TMEM65: variants seen among roughly 807,000 people sequenced by gnomAD.
TMEM65 encodes transmembrane protein 65.
Under a neutral mutation model 25.4 loss-of-function variants are expected in TMEM65, and 22 were observed. That is an observed-to-expected ratio of 0.86 (90% CI 0.62 to 1.23). The LOEUF (loss-of-function observed/expected upper bound fraction) is 1.23. TMEM65 is among the 50% of genes most tolerant of loss of function. The pLI, the probability that TMEM65 is intolerant of heterozygous loss-of-function variation, is 0.00. For synonymous variants in TMEM65, 132 were observed against 126.2 expected (o/e 1.05, Z -0.31); for missense variants, 262 against 308.2 (o/e 0.85, Z 1.12).
intron 1 of TMEM65, among the ~76,000 whole-genome samples, chr8:124,369,572 T>C (rs1374393002): frequency 1.3e-5 from 2 of 152,170 alleles, no homozygotes; most frequent in Non-Finnish European, 2.9e-5. Context: ...ACACACACAA[T>C]ACATCGGTTG....
intron 6 of TMEM65, among the ~76,000 whole-genome samples, chr8:124,318,693 A>T (rs1161722393): frequency 6.6e-6 from 1 of 152,106 alleles, no homozygotes; most frequent in Non-Finnish European, 1.5e-5. Context: ...TTTACACAAT[A>T]ATAGATAGGT....
chr8:124,339,762 T>C (rs1045635959), intron 1 of TMEM65, among the ~76,000 whole-genome samples: 5 of 152,004 alleles, frequency 3.3e-5, no homozygotes, highest in African/African-American at 1.2e-4. Context: ...CTTTTCAAAG[T>C]GGTTTCCCCT....
intron 1 of TMEM65, 26 bp from the exon 2 acceptor site, chr8:124,330,818 G>A (rs1389473237): frequency 6.4e-7 from 1 of 1,570,570 alleles, no homozygotes; most frequent in African/African-American, 1.4e-5. Flanking sequence ...AGGATGTGGG[G>A]CAAGAATTAG....
At chr8:124,352,725 G>A (rs900380735) in intron 1 of TMEM65, among the ~76,000 whole-genome samples, 3 of 152,018 alleles carry the variant, frequency 2.0e-5, no homozygotes, top group African/African-American at 7.2e-5. Flanking sequence ...AGTGAGGCAG[G>A]CATCTGTATA....
chr8:124,310,641 A>T lies in TMEM65; in HGVS notation c.*3319T>A, dbSNP rs1814145451. 6.6e-6 allele frequency: 1 copy of T among 152,158 alleles called. No individual in the cohort carries two copies. The allele number at this position is 152,158 out of a possible 1,614,324, so 9.4% of individuals were successfully genotyped here. On this transcript the variant is annotated 3_prime_UTR_variant, in exon 7 of 7. Transcript: ENST00000297632. ...GTAAATTACTAGTGCATAAAGGACC[A>T]AATAAGTGTTTAATAAAAGGGAACT...
At chr8:124,339,222 A>AAAAAAATAT (rs1563594368) in intron 1 of TMEM65, among the ~76,000 whole-genome samples, 2 of 19,904 alleles carry the variant, frequency 1.0e-4, no homozygotes, top group Non-Finnish European at 7.9e-5. Flanking sequence ...AAAAAAAAAA[A>AAAAAAATAT]ATATATATAT....
chr8:124,359,568 C>G (rs1458536869), intron 1 of TMEM65, among the ~76,000 whole-genome samples: 1 of 152,038 alleles, frequency 6.6e-6, no homozygotes, highest in East Asian at 1.9e-4. Flanking sequence ...ATGGTGAACC[C>G]TCATCTATAC....
chr8:124,336,842 T>G (rs1304800501), intron 1 of TMEM65, among the ~76,000 whole-genome samples: 1 of 151,804 alleles, frequency 6.6e-6, no homozygotes, highest in African/African-American at 2.4e-5. Context: ...AGAGTCAAAA[T>G]TGGTTCTTTG....
intron 3 of TMEM65, among the ~76,000 whole-genome samples, chr8:124,324,531 A>C (rs1814344510): frequency 6.6e-6 from 1 of 152,158 alleles, no homozygotes; most frequent in Non-Finnish European, 1.5e-5. Flanking sequence ...AAACATATGT[A>C]TCATCATATC....
chr8:124,371,625 C>T (rs1008109965), intron 1 of TMEM65, among the ~76,000 whole-genome samples: 2 of 152,208 alleles, frequency 1.3e-5, no homozygotes, highest in Non-Finnish European at 2.9e-5. Context: ...GCGCTGGCCT[C>T]GGCTGCCTGG....
chr8:124,338,984 T>A (rs957526213), intron 1 of TMEM65, among the ~76,000 whole-genome samples: 1 of 151,166 alleles, frequency 6.6e-6, no homozygotes, highest in Admixed American at 6.6e-5. Context: ...AGGTCAGGAG[T>A]TCCAGACCAG....
At chr8:124,340,500 T>C (rs1323041181) in intron 1 of TMEM65, among the ~76,000 whole-genome samples, 4 of 149,466 alleles carry the variant, frequency 2.7e-5, no homozygotes, top group African/African-American at 9.9e-5. Context: ...ATTGGTTTGA[T>C]TAAAACAGAC....
In TMEM65 at chr8:124,372,393, C is replaced by A. The variant is rs1224904312; in HGVS notation, c.-236G>T. The A allele has an allele frequency of 1.0e-5, 2 of 197,952 alleles. No homozygotes were observed. The highest frequency in any genetic ancestry group is 6.3e-5 in the Admixed American group (1 of 15,750). The allele number at this position is 197,952 out of a possible 1,614,324, so 12.3% of individuals were successfully genotyped here. ...CCGCCCCTCCGATGGGAAAAACTTT[C>A]TCTGAGACGGCCGGGCCCGGACAGC... is the stretch of plus-strand genomic sequence containing the variant. On this transcript the variant is annotated 5_prime_UTR_variant, in exon 1 of 7. Coordinates refer to ENST00000297632, the MANE Select transcript of TMEM65 (RefSeq NM_194291.3).
intron 6 of TMEM65, 103 bp from the exon 7 acceptor site, chr8:124,314,164 A>G (rs72721442): frequency 0.02 from 15,943 of 815,368 alleles, 355 homozygotes; most frequent in East Asian, 0.064. Flanking sequence ...TGGATTTGCT[A>G]CCCTTCATAT....
In TMEM65 at chr8:124,309,198, CTTAT is replaced by C. The variant is rs1814127725; in HGVS notation, c.*4758_*4761del. 1 of 152,156 alleles carries C rather than the reference CTTAT, an allele frequency of 6.6e-6. No homozygotes were observed. Among genetic ancestry groups the C allele is most frequent in the South Asian group, 2.1e-4 (1 of 4,822 alleles). 9.4% of individuals were successfully genotyped at this position (152,156 alleles called of 1,614,324 possible). On this transcript the variant is annotated 3_prime_UTR_variant, in exon 7 of 7. Transcript: ENST00000297632. ...ATACAAAATACGTGTTAATCTACTGCTTATTTATCAGAAAGGCTTCCAGCCAATA... is the reference window on the plus strand; with the variant it reads ...ATACAAAATACGTGTTAATCTACTGCTTATCAGAAAGGCTTCCAGCCAATA...
chr8:124,327,640 CTG>C (rs1396043130), intron 2 of TMEM65, among the ~76,000 whole-genome samples: 1 of 150,554 alleles, frequency 6.6e-6, no homozygotes, highest in Non-Finnish European at 1.5e-5. Flanking sequence ...GTAAAAATAA[CTG>C]TGTTAGACTT....
chr8:124,341,965 G>A (rs78635369), intron 1 of TMEM65, among the ~76,000 whole-genome samples: 1 of 151,898 alleles, frequency 6.6e-6, no homozygotes, highest in African/African-American at 2.4e-5. Flanking sequence ...TAAATTATAT[G>A]AGAAGTATTG....
chr8:124,364,034 T>A (rs186598134), intron 1 of TMEM65, among the ~76,000 whole-genome samples: 16 of 152,002 alleles, frequency 1.1e-4, no homozygotes, highest in Non-Finnish European at 2.2e-4. Flanking sequence ...AGGGATATTA[T>A]CAAAGAAAGA....
At chr8:124,371,794 G>T in intron 1 of TMEM65, 60 bp downstream of exon 1, 2 of 1,453,734 alleles carry the variant, frequency 1.4e-6, no homozygotes, top group Non-Finnish European at 1.8e-6. Flanking sequence ...CTCCCGGTGG[G>T]CTGGCGAGAA....
Sources: allele counts gnomAD v4.1 joint callset (sites outside exome capture counted in the v4.1 genomes callset), GRCh38; gene constraint gnomAD v4.1.1; transcripts MANE v1.5; gene names NCBI Gene and HGNC (gene_info 2026-07-23, HGNC 2026-07-21).